PKD1: variants seen among roughly 807,000 people sequenced by gnomAD.
PKD1 encodes polycystin-1.
Under a neutral mutation model 361.7 loss-of-function variants are expected in PKD1, and 81 were observed. That is an observed-to-expected ratio of 0.22 (90% CI 0.19 to 0.27). PKD1 has a LOEUF of 0.27. Ranked by LOEUF, PKD1 falls within the 10% of genes least tolerant of loss-of-function variation. PKD1 has a pLI of 1.00. For missense variants in PKD1, 6,399 were observed against 6,118.3 expected (o/e 1.05, Z -1.53); for synonymous variants, 3,615 against 2,818.3 (o/e 1.28, Z -8.95).
At chr16:2,115,877 A>G (rs932744382) in intron 9 of PKD1, 115 bp downstream of exon 9, 1 of 1,234,972 alleles carries the variant, frequency 8.1e-7, no homozygotes, top group African/African-American at 1.5e-5. Context: ...TGCTCTGTCC[A>G]CCTAAGACTG....
chr16:2,120,562 C>T (rs552016137), intron 1 of PKD1, among the ~76,000 whole-genome samples: 4 of 152,236 alleles, frequency 2.6e-5, no homozygotes, highest in Admixed American at 2.6e-4. Flanking sequence ...ATCAGCCAGG[C>T]ATGGTAGTGT....
At position 2,121,137 on chromosome 16, in the gene PKD1, G is replaced by A. The variant is rs377064962; in HGVS notation, c.216-1759C>T. On this transcript the variant is annotated intron_variant, in intron 1 of 45. Transcript: ENST00000262304. ...TCCCAGCACTTTGGGAGGCTGAGGCGGGCGCATCACCTGAGGTCAGGAGTT... is the reference window on the plus strand; with the variant it reads ...TCCCAGCACTTTGGGAGGCTGAGGCAGGCGCATCACCTGAGGTCAGGAGTT... 4.6e-5 allele frequency among the ~76,000 whole-genome samples: 7 copies of A among 152,196 alleles called. No homozygotes were observed. In the East Asian group the frequency reaches 5.8e-4, roughly 13 times the overall value.
Position 2,090,169 on chromosome 16 carries a change from C to T in PKD1, c.12470G>A (p.Gly4157Glu). ...KEFRHKVRFE[G>E]MEPLPSRSSR... ...GGAGCGAGAGGGCAGCGGCTCCATCCCTTCAAAGCGGACTTTGTGGCGGAA... is the reference window on the plus strand; with the variant it reads ...GGAGCGAGAGGGCAGCGGCTCCATCTCTTCAAAGCGGACTTTGTGGCGGAA... Residue 4157 changes from glycine to glutamate, a missense_variant, in exon 46 of 46, where the codon GGG becomes GAG. Coordinates refer to ENST00000262304, the MANE Select transcript of PKD1 (RefSeq NM_001009944.3). 1 of 1,599,032 alleles carries T rather than the reference C, an allele frequency of 6.3e-7. No individual in the cohort carries two copies. Among genetic ancestry groups the T allele is most frequent in the Non-Finnish European group, 8.5e-7 (1 of 1,172,398 alleles).
intron 23 of PKD1, 101 bp downstream of exon 23, chr16:2,103,161 CAGAA>C: frequency 1.0e-5 from 14 of 1,395,158 alleles, no homozygotes; most frequent in African/African-American, 1.4e-5. Context: ...GCCCATGAAA[CAGAA>C]AGCAAATTTC....
Position 2,110,779 on chromosome 16 carries a change from T to G in PKD1, c.4388A>C (p.Gln1463Pro). The G allele has an allele frequency of 6.2e-7, 1 of 1,610,994 alleles. No individual in the cohort carries two copies. The highest frequency in any genetic ancestry group is 8.5e-7 in the Non-Finnish European group (1 of 1,179,822). ...AANDSALVEVQEPVLVTSIKV... is the reference protein window; with the variant it reads ...AANDSALVEVPEPVLVTSIKV... Reference sequence around the variant, plus strand: ...GATGCTGGTGACCAGCACGGGCTCCTGCACCTCCACCAGGGCTGAGTCATT... The same window carrying G: ...GATGCTGGTGACCAGCACGGGCTCCGGCACCTCCACCAGGGCTGAGTCATT... The change falls in exon 15 of 46, where the codon CAG becomes CCG. Residue 1463 changes from glutamine (Q) to proline (P), a missense_variant. Coordinates refer to ENST00000262304, the MANE Select transcript of PKD1 (RefSeq NM_001009944.3).
intron 1 of PKD1, among the ~76,000 whole-genome samples, chr16:2,123,058 C>T (rs2092747049): frequency 6.6e-6 from 1 of 152,182 alleles, no homozygotes; most frequent in Non-Finnish European, 1.5e-5. Flanking sequence ...GACCCCAGAG[C>T]CCCCCGGCTC....
intron 34 of PKD1, among the ~76,000 whole-genome samples, chr16:2,095,932 A>G (rs1364768660): frequency 6.6e-6 from 1 of 152,204 alleles, no homozygotes; most frequent in Non-Finnish European, 1.5e-5. Flanking sequence ...AAAACCAACC[A>G]GCAATTTATT....
intron 1 of PKD1, among the ~76,000 whole-genome samples, chr16:2,123,023 C>G (rs537526659): frequency 6.6e-6 from 1 of 152,338 alleles, no homozygotes; most frequent in South Asian, 2.1e-4. Context: ...CAAGCCAGGG[C>G]AGGGGTGGGG....
chr16:2,128,840 G>A (rs1401207568), intron 1 of PKD1, among the ~76,000 whole-genome samples: 1 of 152,066 alleles, frequency 6.6e-6, no homozygotes, highest in Admixed American at 6.5e-5. Context: ...AAGTAGCTGA[G>A]ACTACAGGCA....
rs769461367 is a variant in PKD1, at chr16:2,091,161, A to G, written c.11726T>C (p.Leu3909Pro). The change falls in exon 43 of 46, where the codon CTG (leucine) becomes CCG (proline). Residue 3909 changes from leucine (L) to proline (P), a missense_variant. Leu to Pro is a moderately conservative substitution (Grantham distance 98, BLOSUM62 -3). Transcript: ENST00000262304. The stretch of plus-strand genomic sequence containing the variant: ...GGCCACGGCGAAGTGCACGGCGAAC[A>G]GCAGCAGGCACACCTGTGGGGGGCG... ...LPLLTSVCLL[L>P]FAVHFAVAEA... 1.4e-6 allele frequency: 2 copies of G among 1,460,248 alleles called. No individual in the cohort carries two copies. The highest frequency in any genetic ancestry group is 1.3e-5 in the South Asian group (1 of 76,682). 90.5% of individuals were successfully genotyped at this position (1,460,248 alleles called of 1,614,324 possible).
intron 15 of PKD1, 108 bp from the exon 16 acceptor site, chr16:2,108,140 G>A (rs1014738272): frequency 2.2e-5 from 33 of 1,468,008 alleles, no homozygotes; most frequent in Non-Finnish European, 3.0e-5. Context: ...TGCTGGGACG[G>A]GGCCCACCAG....
intron 11 of PKD1, 57 bp downstream of exon 11, chr16:2,114,113 C>G: frequency 6.8e-7 from 1 of 1,469,214 alleles, no homozygotes. Flanking sequence ...CCTGTGTGAG[C>G]ACCCTGTCTG....
chr16:2,130,594 G>A (rs900951625), intron 1 of PKD1, among the ~76,000 whole-genome samples: 1 of 152,214 alleles, frequency 6.6e-6, no homozygotes, highest in African/African-American at 2.4e-5. Context: ...AGGATCCAGG[G>A]ACCAGAAATG....
At position 2,110,706 on chromosome 16, in the gene PKD1, G is replaced by C. The variant is rs1401424433; in HGVS notation, c.4461C>G (p.Phe1487Leu). The C allele has an allele frequency of 2.5e-6, 4 of 1,610,434 alleles. No homozygotes were observed. Among genetic ancestry groups the C allele is most frequent in the Admixed American group, 1.7e-5 (1 of 59,996 alleles). The change falls in exon 15 of 46, where the codon TTC (phenylalanine) becomes TTG (leucine). Residue 1487 changes from phenylalanine to leucine, a missense_variant. Coordinates refer to ENST00000262304, the MANE Select transcript of PKD1 (RefSeq NM_001009944.3). ...LGLELQQPYL[F>L]SAVGRGRPAS... Reference sequence around the variant, plus strand: ...CGGGGCGCCCACGGCCCACAGCAGAGAACAGGTACGGCTGCTGCAGCTCCA... The same window carrying C: ...CGGGGCGCCCACGGCCCACAGCAGACAACAGGTACGGCTGCTGCAGCTCCA...
chr16:2,091,825 G>A lies in PKD1; in HGVS notation c.11493C>T (p.Arg3831=), dbSNP rs1215516972. 1 of 1,610,108 alleles carries A rather than the reference G, an allele frequency of 6.2e-7. No individual in the cohort carries two copies. The highest frequency in any genetic ancestry group is 1.7e-5 in the Admixed American group (1 of 59,710). The stretch of plus-strand genomic sequence containing the variant: ...GCAGCTGCAGGAAGCGCAGCCGGTC[G>A]CGGCTCTCCTCCAGGCTCAGGCCCA... ...QELGLSLEES[R]DRLRFLQLHN... is the part of the protein sequence containing the mutation. Residue 3831 remains arginine (R), a synonymous_variant, in exon 41 of 46, where the codon CGC becomes CGT. Transcript: ENST00000262304.
At chr16:2,105,272 A>C in intron 21 of PKD1, 50 bp downstream of exon 21, 2 of 1,580,766 alleles carry the variant, frequency 1.3e-6, no homozygotes, top group Non-Finnish European at 1.7e-6. Flanking sequence ...GGCTGAACCC[A>C]GTGCCCTGGC....
At position 2,092,256 on chromosome 16, in the gene PKD1, G is replaced by A. The variant is rs140575867; in HGVS notation, c.11270-68C>T. Reference sequence around the variant, plus strand: ...AAACCCAACAGGAGTGTTTCCTGCTGGCCAGCTCGCCTGAGCTCTGGTTCG... The same window carrying A: ...AAACCCAACAGGAGTGTTTCCTGCTAGCCAGCTCGCCTGAGCTCTGGTTCG... On this transcript the variant is annotated intron_variant, in intron 39 of 45. Transcript: ENST00000262304. The A allele has an allele frequency of 2.1e-5, 32 of 1,510,908 alleles. No homozygotes were observed. The African/African-American group carries it at 3.7e-4, about 18-fold the overall frequency. 93.6% of individuals were successfully genotyped at this position (1,510,908 alleles called of 1,614,324 possible).
rs780732047 is a variant in PKD1 at position 2,108,760 on chromosome 16, T to C, written c.6407A>G (p.Gln2136Arg). ...ASNLVSFFVA[Q>R]ATVTVQVLAC... ...CAGCACCTGGACGGTCACCGTGGCC[T>C]GCGCCACGAAGAAGCTCACCAGGTT... Residue 2136 changes from glutamine (Q) to arginine (R), a missense_variant, in exon 15 of 46, where the codon CAG becomes CGG. Transcript: ENST00000262304. 8.3e-6 allele frequency: 13 copies of C among 1,570,362 alleles called. No individual in the cohort carries two copies. Among genetic ancestry groups the C allele is most frequent in the Non-Finnish European group, 2.6e-6 (3 of 1,159,152 alleles).
chr16:2,111,943 C>G, intron 14 of PKD1, 72 bp from the exon 15 acceptor site: 1 of 1,527,112 alleles, frequency 6.5e-7, no homozygotes, highest in Non-Finnish European at 9.0e-7. Context: ...CAGAAGCCCC[C>G]CGCCTGAGGA....
Sources: allele counts gnomAD v4.1 joint callset (sites outside exome capture counted in the v4.1 genomes callset), GRCh38; gene constraint gnomAD v4.1.1; transcripts MANE v1.5; gene names NCBI Gene and HGNC (gene_info 2026-07-23, HGNC 2026-07-21).